The following TF variants were observed in gnomAD, a reference collection of about 807,000 sequenced individuals.
TF encodes serotransferrin.
In TF, 55 loss-of-function variants were observed where a neutral mutation model predicts 82.4. The observed-to-expected ratio is 0.67, with a 90% confidence interval of 0.54 to 0.84. The LOEUF (loss-of-function observed/expected upper bound fraction) is 0.84. TF is among the 40% of genes least tolerant of loss of function. The pLI is 0.00. For missense variants in TF, 737 were observed against 868.4 expected (o/e 0.85, Z 1.90); for synonymous variants, 332 against 332.6 (o/e 1.00, Z 0.02).
At chr3:133,691,012 A>G in the TF span, among the ~76,000 whole-genome samples, 7 of 152,302 alleles carry the variant, frequency 4.6e-5, no homozygotes, top group Admixed American at 4.6e-4. Context: ...ACAAATATAC[A>G]TACATATATA....
chr3:133,735,339 CA>C, the TF span, among the ~76,000 whole-genome samples: 60,760 of 123,122 alleles, frequency 0.49, 13,201 homozygotes, highest in Middle Eastern at 0.68. Context: ...GACTCCATCC[CA>C]AAAAAAAAAA....
At chr3:133,728,326 C>T in the TF span, among the ~76,000 whole-genome samples, 2 of 152,292 alleles carry the variant, frequency 1.3e-5, no homozygotes, top group South Asian at 2.1e-4. Context: ...CACATAGTCC[C>T]ATATTTCTTG....
the TF span, among the ~76,000 whole-genome samples, chr3:133,740,927 TAA>T: frequency 3.8e-4 from 42 of 110,092 alleles, no homozygotes; most frequent in East Asian, 1.5e-3. Context: ...TTTTTTTTTT[TAA>T]TTTGAGTATA....
At chr3:133,725,791 G>T in the TF span, among the ~76,000 whole-genome samples, 23 of 152,104 alleles carry the variant, frequency 1.5e-4, no homozygotes, top group African/African-American at 5.1e-4. Flanking sequence ...TTGGCTGTGG[G>T]TTTGTCATAG....
In TF at chr3:133,778,777, T is replaced by C; in HGVS notation, c.*157T>C. 1 of 649,486 alleles carries C rather than the reference T, an allele frequency of 1.5e-6. No homozygotes were observed. The highest frequency in any genetic ancestry group is 1.8e-5 in the South Asian group (1 of 54,108). 40.2% of individuals were successfully genotyped at this position (649,486 alleles called of 1,614,324 possible). A position where few individuals can be genotyped will look rare whatever the true frequency, so the allele number is the denominator to read the frequency against. On this transcript the variant is annotated 3_prime_UTR_variant, in exon 17 of 17. Transcript: ENST00000402696. ...GCTGAACAAAAAATAAAAATTATTATTGATTTTATATTTCAAAAACTCCAT... is the reference window on the plus strand; with the variant it reads ...GCTGAACAAAAAATAAAAATTATTACTGATTTTATATTTCAAAAACTCCAT...
Position 133,757,784 on chromosome 3 carries a change from G to C in TF, c.886G>C (p.Asp296His), listed in dbSNP as rs375511616. 3 of 1,614,086 alleles carry C rather than the reference G, an allele frequency of 1.9e-6. No homozygotes were observed. Among genetic ancestry groups the C allele is most frequent in the Non-Finnish European group, 2.5e-6 (3 of 1,180,030 alleles). Residue 296 changes from aspartate to histidine, a missense_variant, in exon 8 of 17, where the codon GAC (aspartate) becomes CAC (histidine). By Grantham distance (81) the Asp-to-His change is moderately conservative. Transcript: ENST00000402696. ...CTATGAACAGGAACATTTTGGCAAA[G>C]ACAAATCAAAAGAATTCCAACTATT... Reference protein sequence around the residue: ...LNQAQEHFGKDKSKEFQLFSS... With the variant: ...LNQAQEHFGKHKSKEFQLFSS...
chr3:133,778,495 T>C (rs1934451327), intron 16 of TF, 91 bp from the exon 17 acceptor site: 2 of 1,423,760 alleles, frequency 1.4e-6, no homozygotes, highest in East Asian at 4.7e-5. Context: ...CTGCACACTT[T>C]GTACTATGCT....
At chr3:133,774,177 G>C (rs974769123) in intron 14 of TF, 5 of 152,058 alleles carry the variant, frequency 3.3e-5, no homozygotes, top group African/African-American at 1.2e-4. Flanking sequence ...GCCTTGGAGA[G>C]GGCTGAGAAC....
the TF span, among the ~76,000 whole-genome samples, chr3:133,680,529 TTTTC>T: frequency 9.4e-6 from 1 of 106,632 alleles, no homozygotes; most frequent in Non-Finnish European, 1.8e-5. Flanking sequence ...ATTTCTTTTC[TTTTC>T]TTTTTTTTTT....
rs1271823888 is a variant in TF, at chr3:133,782,434, C to T, written c.*3814C>T. On this transcript the variant is annotated 3_prime_UTR_variant, in exon 17 of 17. Coordinates refer to ENST00000402696, the MANE Select transcript of TF (RefSeq NM_001063.4). ...TAAAGAAACTGTATACACACACACACACACACAATGGAATATTATTCAGCC... is the reference window on the plus strand; with the variant it reads ...TAAAGAAACTGTATACACACACACATACACACAATGGAATATTATTCAGCC... 1 of 152,084 alleles carries T rather than the reference C, an allele frequency of 6.6e-6. No individual in the cohort carries two copies. The highest frequency in any genetic ancestry group is 1.5e-5 in the Non-Finnish European group (1 of 68,032). 9.4% of individuals were successfully genotyped at this position (152,084 alleles called of 1,614,324 possible).
At chr3:133,729,212 T>C in the TF span, among the ~76,000 whole-genome samples, 1 of 152,232 alleles carries the variant, frequency 6.6e-6, no homozygotes, top group Non-Finnish European at 1.5e-5. Flanking sequence ...CATTGAAGTC[T>C]GCAGAGGTTA....
At chr3:133,708,978 A>G in the TF span, among the ~76,000 whole-genome samples, 1 of 152,122 alleles carries the variant, frequency 6.6e-6, no homozygotes, top group African/African-American at 2.4e-5. Context: ...TCCCACCCAT[A>G]GTGAAAGAGA....
At chr3:133,764,836 C>A in intron 10 of TF, 39 bp from the exon 11 acceptor site, 1 of 1,600,876 alleles carries the variant, frequency 6.2e-7, no homozygotes, top group Non-Finnish European at 8.5e-7. Flanking sequence ...ATCTATAAAT[C>A]AGGGTTTAAT....
At chr3:133,767,985 C>T in intron 12 of TF, 44 bp from the exon 13 acceptor site, 1 of 1,613,482 alleles carries the variant, frequency 6.2e-7, no homozygotes, top group South Asian at 1.1e-5. Context: ...AAGCTGCTTG[C>T]ATTGACTCAG....
the TF span, among the ~76,000 whole-genome samples, chr3:133,723,828 C>A: frequency 6.6e-6 from 1 of 151,844 alleles, no homozygotes; most frequent in South Asian, 2.1e-4. Flanking sequence ...ACCACAGTCC[C>A]CAGAGTATGA....
the TF span, among the ~76,000 whole-genome samples, chr3:133,696,783 ACTT>A: frequency 6.1e-5 from 6 of 97,766 alleles, no homozygotes; most frequent in African/African-American, 1.6e-4. Flanking sequence ...ACAAAAGTGT[ACTT>A]CTTCTTCTTT....
In TF at chr3:133,748,476, T is replaced by A. The variant is rs772159182; in HGVS notation, c.108T>A (p.Thr36=). ...RWCAVSEHEA[T]KCQSFRDHMK... ...GTGCAGTGTCGGAGCATGAGGCCAC[T>A]AAGTGCCAGAGTTTCCGCGACCATA... The change falls in exon 2 of 17, where the codon ACT becomes ACA. Residue 36 remains threonine (T), a synonymous_variant. Transcript: ENST00000402696. 1 of 1,614,174 alleles carries A rather than the reference T, an allele frequency of 6.2e-7. No individual in the cohort carries two copies. Among genetic ancestry groups the A allele is most frequent in the Non-Finnish European group, 8.5e-7 (1 of 1,180,044 alleles).
chr3:133,696,938 A>T, the TF span, among the ~76,000 whole-genome samples: 2 of 152,220 alleles, frequency 1.3e-5, no homozygotes, highest in African/African-American at 2.4e-5. Flanking sequence ...GATACAGAAC[A>T]TTCAAAACAT....
chr3:133,759,990 C>G (rs1933947831), intron 9 of TF, among the ~76,000 whole-genome samples: 1 of 151,978 alleles, frequency 6.6e-6, no homozygotes, highest in Non-Finnish European at 1.5e-5. Flanking sequence ...TACTCACTCA[C>G]AGTATCTAGT....
Sources: gnomAD v4.1 joint callset for allele counts (sites outside exome capture counted in the v4.1 genomes callset) on GRCh38, gnomAD v4.1.1 for gene constraint, MANE v1.5 for transcripts, NCBI Gene and HGNC (gene_info 2026-07-23, HGNC 2026-07-21) for gene names.